The following MMP26 variants were observed in gnomAD, a reference collection of about 807,000 sequenced individuals.
The protein encoded by MMP26 is matrix metallopeptidase 26.
In MMP26, 33 loss-of-function variants were observed where a neutral mutation model predicts 31.0. The observed-to-expected ratio is 1.06, with a 90% CI of 0.81 to 1.42. The LOEUF is 1.42. Among genes scored for constraint, MMP26 ranks in the 40% most tolerant of loss-of-function variants. The pLI, the probability that MMP26 is intolerant of heterozygous loss-of-function variation, is 0.00. For missense variants in MMP26, 347 were observed against 316.1 expected (o/e 1.10, Z -0.74); for synonymous variants, 122 against 114.9 (o/e 1.06, Z -0.40).
chr11:4,882,084 A>G, intron 2 of MMP26: 1 of 1,613,918 alleles, frequency 6.2e-7, no homozygotes. Context: ...AAACCCATGT[A>G]TTATTTCCTC....
chr11:4,920,173 T>C (rs1339791849), intron 2 of MMP26, among the ~76,000 whole-genome samples: 1 of 152,200 alleles, frequency 6.6e-6, no homozygotes, highest in Non-Finnish European at 1.5e-5. Flanking sequence ...GGGACCTTTT[T>C]ATAAGTGCTC....
chr11:4,951,144 G>T (rs1846368863), intron 2 of MMP26, among the ~76,000 whole-genome samples: 1 of 124,794 alleles, frequency 8.0e-6, no homozygotes, highest in African/African-American at 2.7e-5. Context: ...GGGTAAAATT[G>T]AATTAGGTAT....
chr11:4,720,502 G>A (rs1044238883), intron 1 of MMP26, among the ~76,000 whole-genome samples: 3 of 152,154 alleles, frequency 2.0e-5, no homozygotes. Context: ...AACACAGGAA[G>A]CATTTAGTAC....
At chr11:4,764,972 G>A (rs1192381734) in intron 1 of MMP26, among the ~76,000 whole-genome samples, 1 of 152,156 alleles carries the variant, frequency 6.6e-6, no homozygotes, top group Non-Finnish European at 1.5e-5. Context: ...CTTCAAGGGA[G>A]ACACATGAGG....
At chr11:4,855,853 ACCACATTAACAGTGGATCTCTTGG>A (rs1850043759) in intron 2 of MMP26, among the ~76,000 whole-genome samples, 1 of 152,250 alleles carries the variant, frequency 6.6e-6, no homozygotes, top group Admixed American at 6.5e-5. Flanking sequence ...AGGGAAGCCC[ACCACATTAACAGTGGATCTCTTGG>A]CAGAAACTCT....
chr11:4,745,929 C>A (rs1306365435), intron 1 of MMP26, among the ~76,000 whole-genome samples: 1 of 152,148 alleles, frequency 6.6e-6, no homozygotes, highest in Non-Finnish European at 1.5e-5. Context: ...CTTTTCATGG[C>A]TTGATAGCTA....
At chr11:4,743,195 T>C (rs1417489253) in intron 1 of MMP26, among the ~76,000 whole-genome samples, 2 of 152,200 alleles carry the variant, frequency 1.3e-5, no homozygotes, top group African/African-American at 4.8e-5. Context: ...ATACTGTCAC[T>C]GTCCCCTGGC....
At chr11:4,763,868 C>G (rs1212391308) in intron 1 of MMP26, among the ~76,000 whole-genome samples, 1 of 151,996 alleles carries the variant, frequency 6.6e-6, no homozygotes, top group Non-Finnish European at 1.5e-5. Flanking sequence ...GTATGTAGCA[C>G]TATTTGTTAT....
chr11:4,743,105 ATAAAC>A (rs1158632071), intron 1 of MMP26, among the ~76,000 whole-genome samples: 1 of 152,150 alleles, frequency 6.6e-6, no homozygotes, highest in Non-Finnish European at 1.5e-5. Flanking sequence ...TTAATAAAAA[ATAAAC>A]TATAGTGTTA....
intron 2 of MMP26, chr11:4,889,833 T>A (rs1850592367): frequency 5.7e-6 from 1 of 175,008 alleles, no homozygotes; most frequent in African/African-American, 2.4e-5. Context: ...TTGAGGGCCT[T>A]GAGCCGCTCC....
At chr11:4,923,337 G>T in intron 2 of MMP26, 1 of 1,516,092 alleles carries the variant, frequency 6.6e-7, no homozygotes, top group Admixed American at 2.3e-5. Flanking sequence ...AGAAACCTGT[G>T]GGCTTTATGT....
At chr11:4,974,958 T>C (rs1589822498) in intron 2 of MMP26, among the ~76,000 whole-genome samples, 1 of 150,908 alleles carries the variant, frequency 6.6e-6, no homozygotes, top group Non-Finnish European at 1.5e-5. Context: ...CTGTCAGGGG[T>C]TGAGGTGGGG....
intron 2 of MMP26, among the ~76,000 whole-genome samples, chr11:4,904,428 C>G (rs554295436): frequency 6.6e-6 from 1 of 152,230 alleles, no homozygotes; most frequent in Admixed American, 6.5e-5. Context: ...CTTTTGGCAT[C>G]TACTATATTC....
chr11:4,942,112 G>T (rs951901020), intron 2 of MMP26, among the ~76,000 whole-genome samples: 1 of 55,816 alleles, frequency 1.8e-5, no homozygotes, highest in African/African-American at 6.1e-5. Flanking sequence ...AAAAAAAAAG[G>T]AAGTAAAACC....
chr11:4,979,621 C>G (rs1301841063), intron 2 of MMP26, among the ~76,000 whole-genome samples: 1 of 152,064 alleles, frequency 6.6e-6, no homozygotes, highest in African/African-American at 2.4e-5. Flanking sequence ...AAAACAAATA[C>G]CATACCCCAG....
At chr11:4,748,775 G>A (rs1050216903) in intron 1 of MMP26, among the ~76,000 whole-genome samples, 4 of 151,732 alleles carry the variant, frequency 2.6e-5, no homozygotes, top group Non-Finnish European at 5.9e-5. Context: ...AAGAAACTAG[G>A]CATAGAAGGA....
intron 1 of MMP26, among the ~76,000 whole-genome samples, chr11:4,719,782 T>G (rs1847986354): frequency 6.6e-6 from 1 of 152,220 alleles, no homozygotes; most frequent in Non-Finnish European, 1.5e-5. Context: ...AATAAGAACA[T>G]TTGTACATTT....
chr11:4,721,960 T>C (rs547317541), intron 1 of MMP26, among the ~76,000 whole-genome samples: 15 of 152,324 alleles, frequency 9.8e-5, no homozygotes, highest in African/African-American at 2.6e-4. Flanking sequence ...TGTTTGGATC[T>C]CTGTCCCGAC....
chr11:4,970,989 G>A (rs1846658730), intron 2 of MMP26, among the ~76,000 whole-genome samples: 1 of 152,058 alleles, frequency 6.6e-6, no homozygotes, highest in African/African-American at 2.4e-5. Flanking sequence ...ATTCAAGAAG[G>A]GAATTTCAAT....
Sources: gnomAD v4.1 joint callset for allele counts (sites outside exome capture counted in the v4.1 genomes callset) on GRCh38, gnomAD v4.1.1 for gene constraint, MANE v1.5 for transcripts, NCBI Gene and HGNC (gene_info 2026-07-23, HGNC 2026-07-21) for gene names.